Variants in ROBO2 observed in about 807,000 individuals in gnomAD.
The protein encoded by ROBO2 is roundabout homolog 2.
A neutral mutation model predicts 160.8 loss-of-function variants in ROBO2; 53 were observed. The ratio of observed to expected loss-of-function variants is 0.33; its 90% CI spans 0.26 to 0.41. The LOEUF (loss-of-function observed/expected upper bound fraction) is 0.41, where lower values mean the gene tolerates loss of function less well. ROBO2 is among the 10% of genes least tolerant of loss of function. The pLI is 1.00. For synonymous variants in ROBO2, 664 were observed against 611.7 expected (o/e 1.09, Z -1.26); for missense variants, 1,577 against 1,722.4 (o/e 0.92, Z 1.49).
At chr3:76,353,335 G>T (rs2074985034) in intron 2 of ROBO2, among the ~76,000 whole-genome samples, 1 of 151,818 alleles carries the variant, frequency 6.6e-6, no homozygotes, top group African/African-American at 2.4e-5. Context: ...ATCATAAGTT[G>T]GCAAATATAA....
chr3:77,527,495 G>A, intron 6 of ROBO2, 81 bp downstream of exon 7: 1 of 1,004,838 alleles, frequency 1.0e-6, no homozygotes, highest in South Asian at 1.5e-5. Flanking sequence ...TTGACAGAAT[G>A]AAATATATTT....
At chr3:75,981,930 T>C (rs2065290390) in intron 2 of ROBO2, among the ~76,000 whole-genome samples, 1 of 151,442 alleles carries the variant, frequency 6.6e-6, no homozygotes, top group African/African-American at 2.4e-5. Flanking sequence ...CCCCTACCCT[T>C]CCCAGCTTCT....
At chr3:77,559,329 C>A (rs960711601) in intron 9 of ROBO2, among the ~76,000 whole-genome samples, 4 of 152,098 alleles carry the variant, frequency 2.6e-5, no homozygotes, top group African/African-American at 7.2e-5. Context: ...GGGCACCTGT[C>A]CTCTATCAGT....
intron 2 of ROBO2, among the ~76,000 whole-genome samples, chr3:76,337,635 G>A (rs750004063): frequency 6.6e-6 from 1 of 152,006 alleles, no homozygotes; most frequent in Non-Finnish European, 1.5e-5. Flanking sequence ...AGGAGTCAGG[G>A]AACAAAATGA....
intron 2 of ROBO2, among the ~76,000 whole-genome samples, chr3:77,028,173 C>T (rs2063092551): frequency 6.6e-6 from 1 of 152,092 alleles, no homozygotes; most frequent in African/African-American, 2.4e-5. Context: ...ACGTTTTTCT[C>T]AAGTTAAAAC....
intron 2 of ROBO2, among the ~76,000 whole-genome samples, chr3:76,676,806 C>G (rs2092422481): frequency 6.6e-6 from 1 of 152,078 alleles, no homozygotes; most frequent in Admixed American, 6.6e-5. Context: ...TCCTCTCTCC[C>G]TCAGGTAACA....
intron 15 of ROBO2, among the ~76,000 whole-genome samples, chr3:77,579,644 C>T (rs1358085571): frequency 6.6e-6 from 1 of 152,124 alleles, no homozygotes; most frequent in East Asian, 1.9e-4. Flanking sequence ...TTAAAGAAAT[C>T]ACTGTGCTTT....
chr3:76,407,344 G>A (rs943433209), intron 2 of ROBO2, among the ~76,000 whole-genome samples: 2 of 151,840 alleles, frequency 1.3e-5, no homozygotes, highest in Non-Finnish European at 2.9e-5. Flanking sequence ...TTGTTTAGGT[G>A]TTTGTTTTTA....
intron 2 of ROBO2, among the ~76,000 whole-genome samples, chr3:77,137,146 A>C (rs562244319): frequency 8.5e-5 from 13 of 152,220 alleles, no homozygotes; most frequent in African/African-American, 2.9e-4. Context: ...CTTATTGCAG[A>C]GTCTACTCTC....
exon 1 of ROBO2, chr3:77,039,998 A>C (rs900511822): frequency 1.6e-6 from 1 of 627,648 alleles, no homozygotes; most frequent in Non-Finnish European, 2.0e-6. Flanking sequence ...CTGGTGCACT[A>C]TCCTCAGAGG....
chr3:77,156,756 A>T (rs1402555509), intron 2 of ROBO2, among the ~76,000 whole-genome samples: 2 of 149,890 alleles, frequency 1.3e-5, no homozygotes, highest in Non-Finnish European at 3.0e-5. Flanking sequence ...TAGAATATAT[A>T]AAAATATTTA....
chr3:76,337,029 AG>A (rs1453763019), intron 2 of ROBO2, among the ~76,000 whole-genome samples: 7 of 152,330 alleles, frequency 4.6e-5, no homozygotes, highest in South Asian at 2.1e-4. Flanking sequence ...AGAGAAAAAA[AG>A]ATAAAATTGT....
intron 2 of ROBO2, among the ~76,000 whole-genome samples, chr3:77,009,976 T>C (rs1047297065): frequency 1.1e-4 from 17 of 150,582 alleles, no homozygotes; most frequent in Admixed American, 2.6e-4. Context: ...AAGTCACTCT[T>C]ATAACCAAGT....
chr3:77,551,254 T>C (rs539308437), intron 8 of ROBO2, among the ~76,000 whole-genome samples: 2 of 152,134 alleles, frequency 1.3e-5, no homozygotes, highest in African/African-American at 2.4e-5. Context: ...GTCATCACAC[T>C]CACTGCATAC....
intron 2 of ROBO2, among the ~76,000 whole-genome samples, chr3:76,837,035 A>G (rs1218113172): frequency 6.6e-6 from 1 of 151,900 alleles, no homozygotes; most frequent in Non-Finnish European, 1.5e-5. Context: ...ATATTATGTT[A>G]TATGAGAAAA....
rs1553726638 is a variant in ROBO2, at chr3:77,011,069, CT to C, written c.110-86942del. On this transcript the variant is annotated intron_variant, in intron 2 of 26. Transcript: ENST00000487694. ...TTCTTTCTTTCTTCTTTCTTTCTTT[CT>C]TTCTTTCTTTCTTTCTTTTTCTTTC... 2.1e-3 allele frequency among the ~76,000 whole-genome samples: 243 copies of C among 116,080 alleles called. 2 individuals carry two copies. Among genetic ancestry groups the C allele is most frequent in the African/African-American group, 8.1e-3 (208 of 25,822 alleles). 76.2% of individuals were successfully genotyped at this position (116,080 alleles called of 152,430 possible).
At chr3:77,546,554 A>G in intron 7 of ROBO2, 92 bp downstream of exon 8, 1 of 1,474,506 alleles carries the variant, frequency 6.8e-7, no homozygotes, top group Non-Finnish European at 9.5e-7. Context: ...CTTGTTCTCA[A>G]TGTTTGAATT....
At chr3:77,445,447 T>TTA in intron 2 of ROBO2, among the ~76,000 whole-genome samples, 1 of 152,198 alleles carries the variant, frequency 6.6e-6, no homozygotes, top group East Asian at 1.9e-4. Flanking sequence ...CTCCCAGTGA[T>TTA]TATATATACT....
intron 2 of ROBO2, among the ~76,000 whole-genome samples, chr3:77,441,668 C>G (rs2079934586): frequency 6.6e-6 from 1 of 152,102 alleles, no homozygotes; most frequent in Non-Finnish European, 1.5e-5. Flanking sequence ...GAAAAATGAT[C>G]ACACAGAGTA....
Sources: gnomAD v4.1 joint callset for allele counts (sites outside exome capture counted in the v4.1 genomes callset) on GRCh38, gnomAD v4.1.1 for gene constraint, MANE v1.5 for transcripts, NCBI Gene and HGNC (gene_info 2026-07-23, HGNC 2026-07-21) for gene names.